Variants in FAM76B observed in about 807,000 individuals in gnomAD.
The protein encoded by FAM76B is family with sequence similarity 76 member B, also known as protein FAM76B.
In FAM76B, 16 loss-of-function variants were observed where a neutral mutation model predicts 51.8. The ratio of observed to expected loss-of-function variants is 0.31; its 90% CI spans 0.21 to 0.47. The LOEUF is 0.47. Among genes scored for constraint, FAM76B ranks in the 20% least tolerant of loss-of-function variants. FAM76B has a pLI of 1.00. For missense variants in FAM76B, 342 were observed against 392.6 expected, an observed-to-expected ratio of 0.87 and a Z score of 1.09; for synonymous variants, 166 against 129.5, an observed-to-expected ratio of 1.28 and a Z score of -1.91.
At chr11:95,781,590 T>A (rs1263708075) in intron 5 of FAM76B, among the ~76,000 whole-genome samples, 1 of 152,146 alleles carries the variant, frequency 6.6e-6, no homozygotes, top group Admixed American at 6.6e-5. Flanking sequence ...GACAAATTTA[T>A]CTGTAAAGAA....
rs191117619 is a variant in FAM76B, at chr11:95,769,755, T to C, written c.*1806A>G. On this transcript the variant is annotated 3_prime_UTR_variant, in exon 10 of 10. Coordinates refer to ENST00000358780, the MANE Select transcript of FAM76B (RefSeq NM_144664.5). ...CATGTTAAGGCATTATCTATCATGG[T>C]TGAGAGTACTAAATTTAAGAAAATT... 6.6e-5 allele frequency: 10 copies of C among 151,732 alleles called. No homozygotes were observed. The highest frequency in any genetic ancestry group is 4.6e-4 in the Admixed American group (7 of 15,198). 9.4% of individuals were successfully genotyped at this position (151,732 alleles called of 1,614,324 possible).
chr11:95,772,695 C>T (rs907383107), intron 9 of FAM76B, among the ~76,000 whole-genome samples: 8 of 151,018 alleles, frequency 5.3e-5, no homozygotes, highest in Non-Finnish European at 1.0e-4. Context: ...CTCAGTACTT[C>T]ATATTTTATT....
At chr11:95,782,459 G>A (rs1055369146) in intron 5 of FAM76B, among the ~76,000 whole-genome samples, 1 of 151,802 alleles carries the variant, frequency 6.6e-6, no homozygotes, top group South Asian at 2.1e-4. Context: ...GGTCTATGAG[G>A]GGGTTCTAGA....
intron 9 of FAM76B, among the ~76,000 whole-genome samples, chr11:95,773,976 A>C (rs1859884876): frequency 6.6e-6 from 1 of 151,308 alleles, no homozygotes; most frequent in South Asian, 2.1e-4. Context: ...ATAAAAAAAA[A>C]ATTACCGGTT....
intron 4 of FAM76B, among the ~76,000 whole-genome samples, chr11:95,784,427 C>A (rs944898006): frequency 6.6e-6 from 1 of 151,928 alleles, no homozygotes; most frequent in Non-Finnish European, 1.5e-5. Context: ...ACATGTACCC[C>A]TGAACTTAAA....
At chr11:95,779,311 T>C (rs1460049325) in intron 7 of FAM76B, 3 of 522,132 alleles carry the variant, frequency 5.7e-6, no homozygotes, top group Non-Finnish European at 9.8e-6. Context: ...ATTTAAAATA[T>C]CACAATTAGA....
intron 9 of FAM76B, among the ~76,000 whole-genome samples, chr11:95,772,528 C>G (rs1163355120): frequency 6.6e-6 from 1 of 151,050 alleles, no homozygotes; most frequent in Non-Finnish European, 1.5e-5. Flanking sequence ...AATGATCAAG[C>G]ATTTTTGTAG....
Position 95,789,696 on chromosome 11 carries a change from G to C in FAM76B, c.-218C>G, listed in dbSNP as rs1401367089. 56 of 500,764 alleles carry C rather than the reference G, an allele frequency of 1.1e-4. No individual in the cohort carries two copies. Among genetic ancestry groups the C allele is most frequent in the Non-Finnish European group, 1.3e-4 (36 of 286,442 alleles). 31.0% of individuals were successfully genotyped at this position (500,764 alleles called of 1,614,324 possible). On this transcript the variant is annotated 5_prime_UTR_variant, in exon 1 of 10. Coordinates refer to ENST00000358780, the MANE Select transcript of FAM76B (RefSeq NM_144664.5). ...GCCCCAGCCCACCCAGTGACGCCGT[G>C]CCAGCCGCTCCCGCTTAGGCCCCGA... is the stretch of plus-strand genomic sequence containing the variant.
chr11:95,788,681 C>T, intron 1 of FAM76B, 118 bp from the exon 2 acceptor site: 1 of 1,243,448 alleles, frequency 8.0e-7, no homozygotes, highest in Non-Finnish European at 1.1e-6. Flanking sequence ...AACCTGGCCC[C>T]AACGTAAAGA....
intron 8 of FAM76B, 144 bp downstream of exon 8, chr11:95,778,678 T>C (rs1430865475): frequency 9.7e-7 from 1 of 1,034,966 alleles, no homozygotes; most frequent in East Asian, 2.8e-5. Flanking sequence ...ATTAGATGGC[T>C]TCAGGGGCTT....
intron 4 of FAM76B, among the ~76,000 whole-genome samples, chr11:95,784,674 G>A (rs962243006): frequency 2.0e-5 from 3 of 150,310 alleles, no homozygotes; most frequent in Admixed American, 6.7e-5. Context: ...TGCAAGCTCC[G>A]CCTCCCGGGT....
Position 95,775,946 on chromosome 11 carries a change from G to A in FAM76B, c.906C>T (p.His302=). The A allele has an allele frequency of 6.3e-7, 1 of 1,587,306 alleles. No homozygotes were observed. The highest frequency in any genetic ancestry group is 2.3e-5 in the East Asian group (1 of 43,762). ...RTKMNSMEKA[H]KETVEQLQAK... is the part of the protein sequence containing the mutation. ...CCTGAAGTTGTTCCACAGTTTCTTT[G>A]TGGGCTTTTTCCATACTGTTCATTT... The change falls in exon 9 of 10, where the codon CAC becomes CAT. Residue 302 remains histidine (H), a synonymous_variant. Transcript: ENST00000358780.
intron 1 of FAM76B, 166 bp downstream of exon 1, chr11:95,789,226 A>G (rs1860826973): frequency 1.0e-6 from 1 of 956,248 alleles, no homozygotes. Context: ...TTCCCAGCTA[A>G]TGTTCAAGCC....
chr11:95,782,737 C>T (rs2120259780), intron 5 of FAM76B, among the ~76,000 whole-genome samples: 1 of 152,142 alleles, frequency 6.6e-6, no homozygotes, highest in East Asian at 1.9e-4. Flanking sequence ...AAAACCTTAA[C>T]AATTATTTAA....
chr11:95,783,521 G>C (rs1297146785), intron 4 of FAM76B, among the ~76,000 whole-genome samples: 2 of 152,138 alleles, frequency 1.3e-5, no homozygotes, highest in African/African-American at 4.8e-5. Context: ...TGAAGAAAAA[G>C]AAAATGTTAC....
At position 95,769,551 on chromosome 11, in the gene FAM76B, C is replaced by T. The variant is rs1316942733; in HGVS notation, c.*2010G>A. 1.4e-4 allele frequency: 21 copies of T among 152,006 alleles called. No individual in the cohort carries two copies. The East Asian group carries it at 3.3e-3, about 24-fold the overall frequency. 9.4% of individuals were successfully genotyped at this position (152,006 alleles called of 1,614,324 possible). On this transcript the variant is annotated 3_prime_UTR_variant, in exon 10 of 10. Transcript: ENST00000358780. ...TTTTGATGTTAGCTAAGGGGAAGGA[C>T]GAGGACAACTTTCTTTTGTAGTTTC...
At chr11:95,775,813 C>T (rs1159216095) in intron 9 of FAM76B, 109 bp downstream of exon 9, 1 of 542,014 alleles carries the variant, frequency 1.8e-6, no homozygotes, top group South Asian at 4.8e-5. Context: ...AACTGAAATG[C>T]ACCAACTATG....
intron 4 of FAM76B, among the ~76,000 whole-genome samples, chr11:95,784,896 T>C (rs1860477946): frequency 6.6e-6 from 1 of 152,120 alleles, no homozygotes; most frequent in Non-Finnish European, 1.5e-5. Context: ...CAATCGACAG[T>C]ATACATTAAA....
In FAM76B at chr11:95,789,517, G is replaced by C; in HGVS notation, c.-39C>G. The C allele has an allele frequency of 6.4e-7, 1 of 1,557,302 alleles. No homozygotes were observed. Among genetic ancestry groups the C allele is most frequent in the Non-Finnish European group, 8.7e-7 (1 of 1,149,696 alleles). On this transcript the variant is annotated 5_prime_UTR_variant, in exon 1 of 10. Transcript: ENST00000358780. The stretch of plus-strand genomic sequence containing the variant: ...CTCCTCCTCCGCCGCCGCCCGCTCC[G>C]AGGCGGGGCCCTACGGAGAACCCGA...
Sources: gnomAD v4.1 joint callset for allele counts (sites outside exome capture counted in the v4.1 genomes callset) on GRCh38, gnomAD v4.1.1 for gene constraint, MANE v1.5 for transcripts, NCBI Gene and HGNC (gene_info 2026-07-23, HGNC 2026-07-21) for gene names.